The following NMT1 variants were observed in gnomAD, a reference collection of about 807,000 sequenced individuals.
NMT1 encodes glycylpeptide N-tetradecanoyltransferase 1.
In NMT1, 12 loss-of-function variants were observed where a neutral mutation model predicts 63.4. The observed-to-expected ratio is 0.19, with a 90% CI of 0.12 to 0.31. The LOEUF is 0.31. NMT1 is among the 10% of genes least tolerant of loss of function. The probability of loss-of-function intolerance (pLI) is 1.00; values close to 1 mark genes in which losing one functional copy is unlikely to be tolerated. For missense variants in NMT1, 432 were observed against 634.6 expected (o/e 0.68, Z 3.43); for synonymous variants, 228 against 234.3 (o/e 0.97, Z 0.25).
In NMT1 at chr17:45,105,538, G is replaced by A. The variant is rs539208802; in HGVS notation, c.1471-81G>A. On this transcript the variant is annotated intron_variant, in intron 11 of 11. Transcript: ENST00000258960. This position sits in a 1 kb window ranked among gnomAD's most constrained non-coding sequence, Gnocchi z 4.2. ...GCGGTGGACCCGGGCCCAGCCACTC[G>A]GAACTTCAGGGATAGGGGGTGTGGG... 18 of 1,534,594 alleles carry A rather than the reference G, an allele frequency of 1.2e-5. No homozygotes were observed. Among genetic ancestry groups the A allele is most frequent in the African/African-American group, 1.1e-4 (8 of 73,220 alleles).
intron 1 of NMT1, among the ~76,000 whole-genome samples, chr17:45,078,060 A>G (rs1428028323): frequency 2.0e-5 from 3 of 152,182 alleles, no homozygotes; most frequent in Admixed American, 2.0e-4. Flanking sequence ...CTTCAGACTT[A>G]ACTGGATCTC....
Position 45,092,020 on chromosome 17 carries a change from C to T in NMT1, c.386-1665C>T, listed in dbSNP as rs547860566. ...TGGGCAACAGAGCAAGACCCCATCT[C>T]GCCAGTCATGAGTTTCCTAACTAGG... On this transcript the variant is annotated intron_variant, in intron 3 of 11. Coordinates refer to ENST00000258960, the MANE Select transcript of NMT1 (RefSeq NM_021079.5). Among the ~76,000 whole-genome samples, 9 of 152,234 alleles carry T rather than the reference C, an allele frequency of 5.9e-5. No individual in the cohort carries two copies. In the East Asian group the frequency reaches 7.7e-4, roughly 13 times the overall value.
chr17:45,094,214 G>A (rs1044529278), intron 4 of NMT1, among the ~76,000 whole-genome samples: 1 of 151,886 alleles, frequency 6.6e-6, no homozygotes, highest in South Asian at 2.1e-4. Context: ...TGAAAATGTC[G>A]CCGGGCGTGG....
chr17:45,089,639 CCT>C lies in NMT1; in HGVS notation c.385+2992_385+2993del, dbSNP rs2054075809. ...ACAGGCATGAGCTACCGCACCCGGC[CCT>C]CTCTTTTATTTTCTTGAGACAGGAT... On this transcript the variant is annotated intron_variant, in intron 3 of 11. Coordinates refer to ENST00000258960, the MANE Select transcript of NMT1 (RefSeq NM_021079.5). Among the ~76,000 whole-genome samples the C allele has an allele frequency of 2.0e-5, 3 of 150,074 alleles. No individual in the cohort carries two copies. In the South Asian group the frequency reaches 6.4e-4, roughly 32 times the overall value.
At chr17:45,080,979 T>C (rs540983072) in intron 1 of NMT1, among the ~76,000 whole-genome samples, 4 of 151,470 alleles carry the variant, frequency 2.6e-5, no homozygotes, top group Non-Finnish European at 5.9e-5. Flanking sequence ...TGTTGGCCAG[T>C]CTGGCCTTAA....
At chr17:45,076,706 T>G (rs1176692209) in intron 1 of NMT1, among the ~76,000 whole-genome samples, 1 of 150,786 alleles carries the variant, frequency 6.6e-6, no homozygotes, top group Admixed American at 6.7e-5. Context: ...GCTGAGATCG[T>G]GCCATTGCAC....
chr17:45,072,889 A>C (rs964665215), intron 1 of NMT1, among the ~76,000 whole-genome samples: 1 of 151,976 alleles, frequency 6.6e-6, no homozygotes, highest in Non-Finnish European at 1.5e-5. Flanking sequence ...GAAAGTTGAT[A>C]ATTTAAAATC....
chr17:45,072,114 T>C (rs1393256466), intron 1 of NMT1, among the ~76,000 whole-genome samples: 2 of 152,006 alleles, frequency 1.3e-5, no homozygotes, highest in African/African-American at 2.4e-5. Context: ...TAGCCAGGTA[T>C]GGTGGCGTAC....
At chr17:45,101,759 A>T (rs1049235276) in intron 8 of NMT1, among the ~76,000 whole-genome samples, 15 of 152,132 alleles carry the variant, frequency 9.9e-5, no homozygotes, top group African/African-American at 3.1e-4. Flanking sequence ...CTCAGCCTCT[A>T]AACAGGATTG....
intron 3 of NMT1, among the ~76,000 whole-genome samples, chr17:45,091,836 G>A (rs1263847996): frequency 3.3e-5 from 5 of 152,142 alleles, no homozygotes; most frequent in African/African-American, 1.2e-4. Flanking sequence ...GACCAGCCTG[G>A]GCAACAGTGA....
rs181676555 is a variant in NMT1, at chr17:45,099,040, G to A, written c.885-365G>A. 2.3e-4 allele frequency among the ~76,000 whole-genome samples: 35 copies of A among 152,332 alleles called. No individual in the cohort carries two copies. In the East Asian group the frequency reaches 6.7e-3, roughly 29 times the overall value. On this transcript the variant is annotated intron_variant, in intron 7 of 11. Transcript: ENST00000258960. Reference sequence around the variant, plus strand: ...AACTTTAAAAGTAAAAACACCAGGTGTGAAAGCAGAAGGGGAGGAGGGAGG... The same window carrying A: ...AACTTTAAAAGTAAAAACACCAGGTATGAAAGCAGAAGGGGAGGAGGGAGG...
At chr17:45,080,812 G>C (rs1329125126) in intron 1 of NMT1, among the ~76,000 whole-genome samples, 1 of 150,766 alleles carries the variant, frequency 6.6e-6, no homozygotes, top group Admixed American at 6.7e-5. Context: ...TGTCATACAG[G>C]CTGGAGTGCA....
chr17:45,072,505 TC>T (rs1375667475), intron 1 of NMT1, among the ~76,000 whole-genome samples: 2 of 151,796 alleles, frequency 1.3e-5, no homozygotes, highest in Non-Finnish European at 2.9e-5. Context: ...CCTCAGCTGA[TC>T]CACCCACCTT....
intron 8 of NMT1, among the ~76,000 whole-genome samples, chr17:45,102,607 G>A (rs2054174287): frequency 6.6e-6 from 1 of 152,240 alleles, no homozygotes; most frequent in Admixed American, 6.5e-5. Flanking sequence ...TGGGCAGAAG[G>A]TACAGCTAGA....
intron 3 of NMT1, among the ~76,000 whole-genome samples, chr17:45,088,061 C>T (rs985757820): frequency 1.3e-5 from 2 of 152,222 alleles, no homozygotes; most frequent in Admixed American, 1.3e-4. Context: ...GAAGCTTGGT[C>T]ACAATAGAAG....
At position 45,066,367 on chromosome 17, in the gene NMT1, T is replaced by TA. The variant is rs546705537; in HGVS notation, c.131+4908dup. On this transcript the variant is annotated intron_variant, in intron 1 of 11. Coordinates refer to ENST00000258960, the MANE Select transcript of NMT1 (RefSeq NM_021079.5). Reference sequence around the variant, plus strand: ...ACCACGCCCGGCCAGTTGTATTAGTTACTTATGTCTCTTTGTATATGAATT... The same window carrying TA: ...ACCACGCCCGGCCAGTTGTATTAGTTAACTTATGTCTCTTTGTATATGAATT... 1.0e-3 allele frequency among the ~76,000 whole-genome samples: 159 copies of TA among 152,306 alleles called. 1 individual carries two copies. The highest frequency in any genetic ancestry group is 1.4e-3 in the Non-Finnish European group (95 of 68,020).
rs770134493 is a variant in NMT1, at chr17:45,103,889, CG to C, written c.1332+20del. The stretch of plus-strand genomic sequence containing the variant: ...CCTCGCCAAAATGGTGAGGAGCAGA[CG>C]GGGGGGTCTCTGGAGATGTGCAGGG... On this transcript the variant is annotated intron_variant, in intron 10 of 11. Coordinates refer to ENST00000258960, the MANE Select transcript of NMT1 (RefSeq NM_021079.5). This position sits in a 1 kb window ranked among gnomAD's most constrained non-coding sequence, Gnocchi z 4.8. 2.2e-5 allele frequency: 35 copies of C among 1,612,610 alleles called. No homozygotes were observed. Among genetic ancestry groups the C allele is most frequent in the South Asian group, 2.1e-4 (19 of 91,076 alleles).
chr17:45,087,869 G>A (rs1042826570), intron 3 of NMT1, among the ~76,000 whole-genome samples: 4 of 152,136 alleles, frequency 2.6e-5, no homozygotes, highest in Admixed American at 6.5e-5. Flanking sequence ...TTTGTTTGCT[G>A]CAGAGGTTGG....
chr17:45,094,466 C>G (rs142013558), intron 4 of NMT1, among the ~76,000 whole-genome samples: 2,526 of 150,236 alleles, frequency 0.017, 55 homozygotes, highest in South Asian at 0.069. Context: ...GCACTCCAGC[C>G]CAGGTGACAG....
Sources: allele counts gnomAD v4.1 joint callset (sites outside exome capture counted in the v4.1 genomes callset), GRCh38; gene constraint gnomAD v4.1.1; non-coding constraint Gnocchi (gnomAD v3.1); transcripts MANE v1.5; gene names NCBI Gene and HGNC (gene_info 2026-07-23, HGNC 2026-07-21).